Variants in TATDN1 observed in about 807,000 individuals in gnomAD.
TATDN1 encodes the protein deoxyribonuclease TATDN1.
Under a neutral mutation model 46.4 loss-of-function variants are expected in TATDN1, and 40 were observed. The observed-to-expected ratio is 0.86, with a 90% CI of 0.67 to 1.12. The LOEUF (loss-of-function observed/expected upper bound fraction) is 1.12, where lower values mean the gene tolerates loss of function less well. Among genes scored for constraint, TATDN1 ranks in the 50% most tolerant of loss-of-function variants. TATDN1 has a pLI of 0.00. For missense variants in TATDN1, 326 were observed against 348.4 expected, an observed-to-expected ratio of 0.94 and a Z score of 0.51; for synonymous variants, 95 against 105.6, an observed-to-expected ratio of 0.90 and a Z score of 0.62.
At chr8:124,521,391 G>A (rs72713090) in intron 3 of TATDN1, among the ~76,000 whole-genome samples, 10,503 of 152,204 alleles carry the variant, frequency 0.069, 595 homozygotes, top group South Asian at 0.29. Flanking sequence ...GTATTTCAGA[G>A]TCTGCAGAAA....
chr8:124,512,595 C>T (rs534432080), intron 6 of TATDN1, among the ~76,000 whole-genome samples: 2 of 152,256 alleles, frequency 1.3e-5, no homozygotes, highest in Admixed American at 1.3e-4. Context: ...AAGAACCTTC[C>T]CTCTGTATTA....
intron 1 of TATDN1, among the ~76,000 whole-genome samples, chr8:124,534,262 T>C (rs1821242302): frequency 1.3e-5 from 2 of 150,812 alleles, no homozygotes; most frequent in Admixed American, 1.3e-4. Flanking sequence ...TAAGAATGAC[T>C]TTACATTTTT....
At chr8:124,528,275 G>A (rs543753418) in intron 1 of TATDN1, among the ~76,000 whole-genome samples, 2 of 152,144 alleles carry the variant, frequency 1.3e-5, no homozygotes, top group South Asian at 4.1e-4. Flanking sequence ...CCAGGTTCAC[G>A]CCATTCCCCT....
chr8:124,515,900 T>C lies in TATDN1; in HGVS notation c.333A>G (p.Gly111=). The C allele has an allele frequency of 1.9e-6, 3 of 1,614,094 alleles. No individual in the cohort carries two copies. The highest frequency in any genetic ancestry group is 1.3e-5 in the African/African-American group (1 of 75,062). ...GCTGGCACTCACCAAGTCCGCATTC[T>C]CCTATTGCCACAACTTTCCCTTTAT... The part of the protein sequence containing the change: ...ENNKGKVVAI[G]ECGLDFDRLQ... The change falls in exon 5 of 12, where the codon GGA becomes GGG. Residue 111 remains glycine (G), a synonymous_variant. Transcript: ENST00000276692.
chr8:124,494,500 G>A (rs2131346695), intron 10 of TATDN1: 1 of 152,134 alleles, frequency 6.6e-6, no homozygotes, highest in East Asian at 1.9e-4. Context: ...AAAGTCCATG[G>A]TATAAGGAGA....
At chr8:124,507,272 A>G (rs886385515) in intron 8 of TATDN1, among the ~76,000 whole-genome samples, 2 of 152,240 alleles carry the variant, frequency 1.3e-5, no homozygotes, top group Non-Finnish European at 2.9e-5. Flanking sequence ...AGAAGTGTTT[A>G]GTGCAGAATG....
At chr8:124,538,862 G>A in intron 1 of TATDN1, 163 bp downstream of exon 1, 2 of 726,708 alleles carry the variant, frequency 2.8e-6, no homozygotes, top group South Asian at 1.5e-5. Context: ...TCAAGAACCA[G>A]AGCATTACCA....
intron 11 of TATDN1, among the ~76,000 whole-genome samples, chr8:124,493,159 A>G (rs1166096304): frequency 6.6e-6 from 1 of 152,200 alleles, no homozygotes; most frequent in Non-Finnish European, 1.5e-5. Context: ...TTTCTTTTTT[A>G]CCCCTCATGA....
At chr8:124,517,063 A>C (rs186982298) in intron 4 of TATDN1, among the ~76,000 whole-genome samples, 3 of 152,366 alleles carry the variant, frequency 2.0e-5, no homozygotes. Context: ...TTTGGGGATG[A>C]AAAGTAAGGA....
At chr8:124,530,370 G>A (rs1184328947) in intron 1 of TATDN1, among the ~76,000 whole-genome samples, 1 of 152,156 alleles carries the variant, frequency 6.6e-6, no homozygotes, top group Non-Finnish European at 1.5e-5. Flanking sequence ...CAATCCAATA[G>A]GTTTCCTTCT....
intron 6 of TATDN1, among the ~76,000 whole-genome samples, 158 bp downstream of exon 6, chr8:124,515,588 C>T (rs1819389529): frequency 6.6e-6 from 1 of 152,146 alleles, no homozygotes; most frequent in South Asian, 2.1e-4. Context: ...GAATTACATG[C>T]AAGTATGCAT....
intron 9 of TATDN1, chr8:124,503,952 C>T: frequency 7.6e-6 from 10 of 1,308,418 alleles, no homozygotes; most frequent in Non-Finnish European, 1.0e-5. Flanking sequence ...ATACATAATG[C>T]TGTGAACACA....
chr8:124,490,333 A>G (rs1008875723), intron 11 of TATDN1: 4 of 152,084 alleles, frequency 2.6e-5, no homozygotes, highest in Admixed American at 2.0e-4. Flanking sequence ...AATATGGTGA[A>G]ACCCTATTTC....
chr8:124,517,961 C>T (rs1819633143), intron 4 of TATDN1, among the ~76,000 whole-genome samples: 1 of 152,100 alleles, frequency 6.6e-6, no homozygotes, highest in Non-Finnish European at 1.5e-5. Context: ...CCTGTAATCC[C>T]AGCGCTTTGG....
chr8:124,493,818 A>T lies in TATDN1; in HGVS notation c.791+15T>A. 6.3e-7 allele frequency: 1 copy of T among 1,586,522 alleles called. No homozygotes were observed. Among genetic ancestry groups the T allele is most frequent in the Non-Finnish European group, 8.5e-7 (1 of 1,171,584 alleles). On this transcript the variant is annotated intron_variant, in intron 11 of 11. Coordinates refer to ENST00000276692, the MANE Select transcript of TATDN1 (RefSeq NM_032026.4). ...TAACTAATGATTTTGAAGACCATGA[A>T]AGCAAAATACTCACATTATATGGCA...
rs1275722726 is a variant in TATDN1 at position 124,515,747 on chromosome 8, T to C, written c.388A>G (p.Lys130Glu). ...LQFCPKDTQL[K>E]YFEKQFELSE... The stretch of plus-strand genomic sequence containing the variant: ...TGTAAAGCCAACAAATTTCCTTACT[T>C]GAGTTGAGTATCTTTGGGACAAAAC... The change falls in exon 6 of 12, where the codon AAA becomes GAA. Residue 130 changes from lysine (K) to glutamate (E), a missense_variant and splice_region_variant. Lys to Glu is a moderately conservative substitution (Grantham distance 56). Coordinates refer to ENST00000276692, the MANE Select transcript of TATDN1 (RefSeq NM_032026.4). 6.2e-7 allele frequency: 1 copy of C among 1,612,624 alleles called. No homozygotes were observed. The highest frequency in any genetic ancestry group is 1.1e-5 in the South Asian group (1 of 90,716).
chr8:124,517,393 A>C (rs1284079722), intron 4 of TATDN1, among the ~76,000 whole-genome samples: 1 of 149,730 alleles, frequency 6.7e-6, no homozygotes, highest in Non-Finnish European at 1.5e-5. Context: ...GTGCCATTGC[A>C]CTCCAGCCTG....
At chr8:124,505,131 C>A (rs1818305118) in intron 8 of TATDN1, among the ~76,000 whole-genome samples, 1 of 151,116 alleles carries the variant, frequency 6.6e-6, no homozygotes, top group Admixed American at 6.6e-5. Flanking sequence ...ACGCCTGTAA[C>A]CCCAGCACTT....
chr8:124,494,166 CT>C, intron 10 of TATDN1: 3 of 374,760 alleles, frequency 8.0e-6, no homozygotes, highest in Non-Finnish European at 1.4e-5. Context: ...ACTTCTATTC[CT>C]TTTTTCTGCT....
Sources: gnomAD v4.1 joint callset for allele counts (sites outside exome capture counted in the v4.1 genomes callset) on GRCh38, gnomAD v4.1.1 for gene constraint, MANE v1.5 for transcripts, NCBI Gene and HGNC (gene_info 2026-07-23, HGNC 2026-07-21) for gene names.